SPECC1L: variants seen among roughly 807,000 people sequenced by gnomAD.
SPECC1L encodes sperm antigen with calponin homology and coiled-coil domains 1 like, also known as cytospin-A.
In SPECC1L, 40 loss-of-function variants were observed where a neutral mutation model predicts 116.8. The observed-to-expected ratio is 0.34, with a 90% confidence interval of 0.27 to 0.45. The LOEUF is 0.45. Ranked by LOEUF, SPECC1L falls within the 20% of genes least tolerant of loss-of-function variation. The probability of loss-of-function intolerance (pLI) is 1.00; values close to 1 mark genes in which losing one functional copy is unlikely to be tolerated. For synonymous variants in SPECC1L, 504 were observed against 500.6 expected, an observed-to-expected ratio of 1.01 and a Z score of -0.09; for missense variants, 1,110 against 1,373.6, an observed-to-expected ratio of 0.81 and a Z score of 3.03.
rs545208875 is a variant in SPECC1L, at chr22:24,413,949, C to T, written c.3265-585C>T. 4.0e-5 allele frequency among the ~76,000 whole-genome samples: 6 copies of T among 151,648 alleles called. No homozygotes were observed. The South Asian group carries it at 1.0e-3, about 26-fold the overall frequency. On this transcript the variant is annotated intron_variant, in intron 16 of 16. Coordinates refer to ENST00000314328, the MANE Select transcript of SPECC1L (RefSeq NM_015330.6). ...TGTCACTTTTTGAGGCCTTCTGTCTCGTGTTAAAGGCTGTGAGACACTGGA... is the reference window on the plus strand; with the variant it reads ...TGTCACTTTTTGAGGCCTTCTGTCTTGTGTTAAAGGCTGTGAGACACTGGA...
chr22:24,355,068 C>A (rs1226220296), intron 11 of SPECC1L, among the ~76,000 whole-genome samples: 1 of 151,360 alleles, frequency 6.6e-6, no homozygotes, highest in Admixed American at 6.6e-5. Context: ...ATCAGGAGGT[C>A]AAGAGATCCA....
At chr22:24,373,763 A>G (rs1274461880) in intron 14 of SPECC1L, among the ~76,000 whole-genome samples, 4 of 152,216 alleles carry the variant, frequency 2.6e-5, no homozygotes, top group African/African-American at 7.2e-5. Flanking sequence ...ACAAAAGCGA[A>G]AATTGACAAA....
chr22:24,326,154 C>T (rs544509778), intron 6 of SPECC1L, among the ~76,000 whole-genome samples: 11 of 152,174 alleles, frequency 7.2e-5, no homozygotes, highest in South Asian at 2.1e-4. Context: ...GGTTTCACCA[C>T]GTTGGCCAGG....
At chr22:24,411,742 C>A (rs1473563986) in intron 15 of SPECC1L, 38 bp downstream of exon 15, 1 of 1,552,672 alleles carries the variant, frequency 6.4e-7, no homozygotes, top group African/African-American at 1.4e-5. Flanking sequence ...ACCCACCTCA[C>A]AGGGTTGGAG....
At chr22:24,326,618 A>G (rs1261845076) in intron 6 of SPECC1L, among the ~76,000 whole-genome samples, 1 of 152,258 alleles carries the variant, frequency 6.6e-6, no homozygotes, top group Non-Finnish European at 1.5e-5. Context: ...TCAACACAAG[A>G]CTAGCCTTTC....
At chr22:24,289,560 T>C (rs2049117844) in intron 2 of SPECC1L, among the ~76,000 whole-genome samples, 1 of 152,224 alleles carries the variant, frequency 6.6e-6, no homozygotes, top group Non-Finnish European at 1.5e-5. Flanking sequence ...CGTTTCTAAT[T>C]ATTTTCTTGG....
intron 14 of SPECC1L, among the ~76,000 whole-genome samples, chr22:24,411,222 A>ACAAAAAAG (rs1556317899): frequency 3.3e-5 from 5 of 151,514 alleles, no homozygotes; most frequent in Non-Finnish European, 5.9e-5. Context: ...AAAACAAAAA[A>ACAAAAAAG]GGGGGGGTCA....
At chr22:24,341,890 G>A (rs1221902628) in intron 10 of SPECC1L, among the ~76,000 whole-genome samples, 1 of 152,222 alleles carries the variant, frequency 6.6e-6, no homozygotes, top group Non-Finnish European at 1.5e-5. Context: ...ATCTTCTGAA[G>A]CTTGCCAGCA....
At chr22:24,282,462 T>G (rs2048962014) in intron 2 of SPECC1L, among the ~76,000 whole-genome samples, 2 of 152,180 alleles carry the variant, frequency 1.3e-5, no homozygotes, top group African/African-American at 4.8e-5. Flanking sequence ...ATGGAGTCAG[T>G]TAAGTTAGAT....
intron 2 of SPECC1L, among the ~76,000 whole-genome samples, chr22:24,280,735 C>A (rs1405926323): frequency 6.6e-6 from 1 of 151,046 alleles, no homozygotes; most frequent in African/African-American, 2.5e-5. Flanking sequence ...TTGCCACCGC[C>A]CCCCATTAGT....
rs2042807014 is a variant in SPECC1L at position 24,416,722 on chromosome 22, A to G, written c.*2099A>G. 1 of 152,252 alleles carries G rather than the reference A, an allele frequency of 6.6e-6. No individual in the cohort carries two copies. The highest frequency in any genetic ancestry group is 2.4e-5 in the African/African-American group (1 of 41,420). The allele number at this position is 152,252 out of a possible 1,614,324, so 9.4% of individuals were successfully genotyped here. A position where few individuals can be genotyped will look rare whatever the true frequency, so the allele number is the denominator to read the frequency against. On this transcript the variant is annotated 3_prime_UTR_variant, in exon 17 of 17. Transcript: ENST00000314328. Reference sequence around the variant, plus strand: ...CATGCGAGCCCAGCCCTGGTGCCTCATGGGATGGGGGGGTAGGGGTCCCCA... The same window carrying G: ...CATGCGAGCCCAGCCCTGGTGCCTCGTGGGATGGGGGGGTAGGGGTCCCCA...
chr22:24,344,585 A>G (rs1213504616), intron 10 of SPECC1L, among the ~76,000 whole-genome samples: 2 of 118,814 alleles, frequency 1.7e-5, no homozygotes, highest in Non-Finnish European at 3.5e-5. Context: ...GTGCAATTGC[A>G]TAAGACCAAA....
At chr22:24,363,394 A>C in intron 12 of SPECC1L, 50 bp downstream of exon 12, 1 of 1,481,890 alleles carries the variant, frequency 6.7e-7, no homozygotes. Context: ...TTTTAGAGAC[A>C]GGATCTCACT....
intron 3 of SPECC1L, 105 bp from the exon 4 acceptor site, chr22:24,313,208 A>G: frequency 8.5e-7 from 1 of 1,182,010 alleles, no homozygotes; most frequent in Non-Finnish European, 1.2e-6. Context: ...AGTTTTGGTA[A>G]TAGGGCTCTT....
chr22:24,379,153 C>T (rs570422469), intron 14 of SPECC1L, among the ~76,000 whole-genome samples: 18 of 151,988 alleles, frequency 1.2e-4, no homozygotes, highest in African/African-American at 3.9e-4. Context: ...CTTGAAGGAT[C>T]GCTTGTGATT....
intron 11 of SPECC1L, among the ~76,000 whole-genome samples, chr22:24,356,572 C>T (rs2041537344): frequency 6.6e-6 from 1 of 152,100 alleles, no homozygotes; most frequent in East Asian, 1.9e-4. Context: ...AAGTAAGTTT[C>T]TTGTAGACGG....
Position 24,408,554 on chromosome 22 carries a change from G to A in SPECC1L, c.3088-3034G>A, listed in dbSNP as rs5760395. 7.4e-3 allele frequency among the ~76,000 whole-genome samples: 1,131 copies of A among 152,306 alleles called. 70 individuals carry two copies. In the South Asian group the frequency reaches 0.12, roughly 16 times the overall value. The stretch of plus-strand genomic sequence containing the variant: ...ATTTAGGTAGCCAGGTCAGACTGTC[G>A]GCACACCAGCCACCAGAGGCTTGCT... On this transcript the variant is annotated intron_variant, in intron 14 of 16. Coordinates refer to ENST00000314328, the MANE Select transcript of SPECC1L (RefSeq NM_015330.6).
intron 2 of SPECC1L, among the ~76,000 whole-genome samples, chr22:24,284,870 A>G (rs1445139842): frequency 1.3e-5 from 2 of 152,248 alleles, no homozygotes; most frequent in Non-Finnish European, 2.9e-5. Flanking sequence ...AGAAAGCCTG[A>G]TAAAAGGCCA....
At position 24,356,170 on chromosome 22, in the gene SPECC1L, A is replaced by G. The variant is rs56259569; in HGVS notation, c.2744-7091A>G. ...TGTTATTGGGCAGAGTGTTTTATAA[A>G]TATCAGTTAGATCTAGTTGGTTGTA... On this transcript the variant is annotated intron_variant, in intron 11 of 16. Transcript: ENST00000314328. Among the ~76,000 whole-genome samples, 1,182 of 152,194 alleles carry G rather than the reference A, an allele frequency of 7.8e-3. 8 individuals are homozygous for G. The highest frequency in any genetic ancestry group is 0.024 in the South Asian group (117 of 4,806).
Sources: gnomAD v4.1 joint callset for allele counts (sites outside exome capture counted in the v4.1 genomes callset) on GRCh38, gnomAD v4.1.1 for gene constraint, MANE v1.5 for transcripts, NCBI Gene and HGNC (gene_info 2026-07-23, HGNC 2026-07-21) for gene names.